The following GPHN variants were observed in gnomAD, a reference collection of about 807,000 sequenced individuals.
GPHN encodes gephyrin.
A neutral mutation model predicts 95.5 loss-of-function variants in GPHN; 17 were observed. The ratio of observed to expected loss-of-function variants is 0.18; its 90% CI spans 0.12 to 0.27. GPHN has a LOEUF of 0.27. Among genes scored for constraint, GPHN ranks in the 10% least tolerant of loss-of-function variants. GPHN has a pLI of 1.00. For missense variants in GPHN, 660 were observed against 978.1 expected (o/e 0.67, Z 4.34); for synonymous variants, 320 against 322.5 (o/e 0.99, Z 0.08).
intron 1 of GPHN, among the ~76,000 whole-genome samples, chr14:66,627,081 A>G (rs545252227): frequency 1.3e-5 from 2 of 152,042 alleles, no homozygotes; most frequent in Non-Finnish European, 2.9e-5. Flanking sequence ...ATAGCAATAT[A>G]TGACTCTTAC....
intron 17 of GPHN, among the ~76,000 whole-genome samples, chr14:67,129,825 AG>A (rs2079582253): frequency 1.4e-5 from 2 of 144,376 alleles, no homozygotes; most frequent in Non-Finnish European, 3.0e-5. Context: ...GAAGGAAGGA[AG>A]GGAGAGGGAG....
At chr14:67,626,680 G>T in the GPHN span, among the ~76,000 whole-genome samples, 3 of 152,184 alleles carry the variant, frequency 2.0e-5, no homozygotes, top group East Asian at 5.8e-4. Flanking sequence ...GGTTGGTCTC[G>T]AACTCCTAGC....
At chr14:67,168,848 C>CTGAT (rs2082432728) in intron 20 of GPHN, 85 bp from the exon 21 acceptor site, 2 of 915,742 alleles carry the variant, frequency 2.2e-6, no homozygotes, top group Non-Finnish European at 3.7e-6. Context: ...CCGTCACATT[C>CTGAT]TGATACCCAA....
chr14:67,620,366 G>C, the GPHN span, among the ~76,000 whole-genome samples: 1 of 152,276 alleles, frequency 6.6e-6, no homozygotes, highest in Middle Eastern at 3.4e-3. Context: ...AACGGTGGAT[G>C]CAGCTTGGGG....
intron 9 of GPHN, among the ~76,000 whole-genome samples, chr14:67,002,010 C>CT (rs2072264320): frequency 1.3e-5 from 2 of 151,566 alleles, no homozygotes; most frequent in Admixed American, 1.3e-4. Flanking sequence ...CCCTGGTCAC[C>CT]TTTTTTCCCT....
chr14:67,048,313 T>G (rs1390279278), intron 10 of GPHN, among the ~76,000 whole-genome samples: 1 of 152,236 alleles, frequency 6.6e-6, no homozygotes, highest in Non-Finnish European at 1.5e-5. Context: ...GAAATCTCAC[T>G]AACATTTTTA....
At chr14:66,741,297 A>T (rs1485648892) in intron 2 of GPHN, among the ~76,000 whole-genome samples, 1 of 152,160 alleles carries the variant, frequency 6.6e-6, no homozygotes, top group Non-Finnish European at 1.5e-5. Context: ...TTTTGTTTTA[A>T]TTTATTCATA....
chr14:67,644,395 A>T, the GPHN span, among the ~76,000 whole-genome samples: 1 of 152,234 alleles, frequency 6.6e-6, no homozygotes, highest in African/African-American at 2.4e-5. Flanking sequence ...CAGCTCTTCC[A>T]GGACTAAAAC....
intron 12 of GPHN, 142 bp downstream of exon 12, chr14:67,089,217 TCAAAA>T (rs1338274750): frequency 1.7e-6 from 1 of 573,524 alleles, no homozygotes; most frequent in African/African-American, 1.9e-5. Flanking sequence ...CCCATGACTG[TCAAAA>T]TAACTTCATT....
At chr14:66,784,819 A>G (rs187372355) in intron 3 of GPHN, among the ~76,000 whole-genome samples, 8 of 152,364 alleles carry the variant, frequency 5.3e-5, no homozygotes, top group Admixed American at 3.9e-4. Context: ...CAGGAAAAAG[A>G]AACAGGACAA....
chr14:67,694,516 ATT>A, the GPHN span, among the ~76,000 whole-genome samples: 18 of 138,486 alleles, frequency 1.3e-4, no homozygotes, highest in South Asian at 4.4e-4. Context: ...ACACACATAT[ATT>A]TTTTTTTTTT....
At chr14:66,779,822 G>A (rs2059540725) in intron 3 of GPHN, among the ~76,000 whole-genome samples, 1 of 152,060 alleles carries the variant, frequency 6.6e-6, no homozygotes, top group African/African-American at 2.4e-5. Flanking sequence ...ATTCCTTTAT[G>A]TGATTTTTAA....
chr14:67,395,746 C>T, the GPHN span, among the ~76,000 whole-genome samples: 1 of 152,188 alleles, frequency 6.6e-6, no homozygotes, highest in Non-Finnish European at 1.5e-5. Context: ...ACTTGGACAC[C>T]TCCAGTGACA....
At chr14:67,187,382 C>T in the GPHN span, among the ~76,000 whole-genome samples, 1 of 152,110 alleles carries the variant, frequency 6.6e-6, no homozygotes, top group Admixed American at 6.6e-5. Context: ...CTCTGAGTCA[C>T]CTTTTCCCTC....
the GPHN span, among the ~76,000 whole-genome samples, chr14:67,547,938 G>C: frequency 6.6e-6 from 1 of 152,166 alleles, no homozygotes. Context: ...ACACCTCTGG[G>C]TCTGGTGTGC....
intron 11 of GPHN, among the ~76,000 whole-genome samples, chr14:67,066,145 C>T (rs1338868269): frequency 3.3e-5 from 5 of 152,182 alleles, no homozygotes; most frequent in Non-Finnish European, 5.9e-5. Context: ...GTGACAAAAT[C>T]TCTGAGCATT....
intron 1 of GPHN, among the ~76,000 whole-genome samples, chr14:66,625,707 A>C (rs1286446869): frequency 6.6e-6 from 1 of 152,128 alleles, no homozygotes; most frequent in African/African-American, 2.4e-5. Context: ...ATAAAATCAC[A>C]GTGTGGTTTT....
chr14:67,387,238 GAAGTCAA>G, the GPHN span: 5 of 1,277,138 alleles, frequency 3.9e-6, no homozygotes, highest in African/African-American at 1.5e-5. Context: ...AACTTACAAA[GAAGTCAA>G]AAGTCTTAAC....
At chr14:66,646,724 A>G (rs1458339041) in intron 1 of GPHN, among the ~76,000 whole-genome samples, 1 of 152,106 alleles carries the variant, frequency 6.6e-6, no homozygotes, top group African/African-American at 2.4e-5. Flanking sequence ...CCAGGGGTTC[A>G]GTGGAGTAGG....
Sources: allele counts gnomAD v4.1 joint callset (sites outside exome capture counted in the v4.1 genomes callset), GRCh38; gene constraint gnomAD v4.1.1; transcripts MANE v1.5; gene names NCBI Gene and HGNC (gene_info 2026-07-23, HGNC 2026-07-21).